Variants in COBL observed in about 807,000 individuals in gnomAD.
COBL encodes the protein protein cordon-bleu.
In COBL, 51 loss-of-function variants were observed where a neutral mutation model predicts 98.8. The observed-to-expected ratio is 0.52, with a 90% CI of 0.41 to 0.65. The LOEUF (loss-of-function observed/expected upper bound fraction) is 0.65. Among genes scored for constraint, COBL ranks in the 30% least tolerant of loss-of-function variants. The pLI is 0.00. For synonymous variants in COBL, 634 were observed against 651.7 expected (o/e 0.97, Z 0.41); for missense variants, 1,617 against 1,617.5 (o/e 1.00, Z 0.01).
intron 6 of COBL, among the ~76,000 whole-genome samples, chr7:51,110,526 G>A (rs1189645487): frequency 6.6e-6 from 1 of 152,168 alleles, no homozygotes; most frequent in Non-Finnish European, 1.5e-5. Context: ...CGGACACTTA[G>A]GTTGATTCCA....
At chr7:51,261,977 C>T (rs990456870) in intron 1 of COBL, among the ~76,000 whole-genome samples, 1 of 152,270 alleles carries the variant, frequency 6.6e-6, no homozygotes, top group Admixed American at 6.5e-5. Flanking sequence ...GCCTGAGGAA[C>T]GCTAAGCTCC....
At chr7:51,059,861 A>G (rs1163113705) in intron 7 of COBL, among the ~76,000 whole-genome samples, 1 of 152,120 alleles carries the variant, frequency 6.6e-6, no homozygotes, top group African/African-American at 2.4e-5. Context: ...ACTTCTTAGC[A>G]TTACCCAACG....
chr7:51,282,993 T>G (rs1490234829), intron 1 of COBL, among the ~76,000 whole-genome samples: 1 of 152,166 alleles, frequency 6.6e-6, no homozygotes, highest in Non-Finnish European at 1.5e-5. Flanking sequence ...CATACAGCTT[T>G]TAAAAATCAT....
At chr7:51,179,252 T>C (rs765879505) in intron 5 of COBL, among the ~76,000 whole-genome samples, 2 of 152,218 alleles carry the variant, frequency 1.3e-5, no homozygotes, top group Non-Finnish European at 2.9e-5. Flanking sequence ...GTTGGTTTTT[T>C]TGGGGACAGA....
At chr7:51,243,074 C>T (rs2129125780) in intron 1 of COBL, among the ~76,000 whole-genome samples, 1 of 152,334 alleles carries the variant, frequency 6.6e-6, no homozygotes, top group Non-Finnish European at 1.5e-5. Context: ...GCCTTGGTGG[C>T]ACTGCTTGGA....
At chr7:51,150,645 C>G (rs183031517) in intron 5 of COBL, among the ~76,000 whole-genome samples, 49 of 152,284 alleles carry the variant, frequency 3.2e-4, no homozygotes, top group Non-Finnish European at 6.3e-4. Flanking sequence ...TTCTTTCAGC[C>G]TACAGCAATG....
chr7:51,060,316 A>G (rs1161467823), intron 7 of COBL, among the ~76,000 whole-genome samples: 1 of 152,254 alleles, frequency 6.6e-6, no homozygotes, highest in Non-Finnish European at 1.5e-5. Flanking sequence ...AACTACTATC[A>G]GTAGCTTGAC....
At chr7:51,206,384 C>T (rs554216972) in intron 2 of COBL, among the ~76,000 whole-genome samples, 1 of 151,466 alleles carries the variant, frequency 6.6e-6, no homozygotes, top group African/African-American at 2.4e-5. Context: ...CCCAGCTACT[C>T]GGAAGGCTGA....
chr7:51,274,948 T>A (rs1347973430), intron 1 of COBL, among the ~76,000 whole-genome samples: 1 of 152,222 alleles, frequency 6.6e-6, no homozygotes. Flanking sequence ...TGTACGCACA[T>A]GGCTTTGTCT....
intron 6 of COBL, among the ~76,000 whole-genome samples, chr7:51,087,125 C>CAA (rs1013326726): frequency 4.0e-5 from 6 of 150,590 alleles, no homozygotes; most frequent in Non-Finnish European, 7.4e-5. Flanking sequence ...CACAAACACA[C>CAA]ACACACACAC....
chr7:51,226,770 G>T (rs1037231146), intron 1 of COBL, among the ~76,000 whole-genome samples: 14 of 152,164 alleles, frequency 9.2e-5, no homozygotes, highest in African/African-American at 3.4e-4. Flanking sequence ...ACATCCCTGA[G>T]TCCAACACTA....
At chr7:51,302,848 G>A (rs951799327) in intron 1 of COBL, among the ~76,000 whole-genome samples, 12 of 152,044 alleles carry the variant, frequency 7.9e-5, no homozygotes, top group Non-Finnish European at 1.3e-4. Context: ...TAAAGATGAC[G>A]CTATACAGGG....
intron 1 of COBL, among the ~76,000 whole-genome samples, chr7:51,282,973 G>C (rs1433897033): frequency 6.6e-6 from 1 of 152,132 alleles, no homozygotes; most frequent in African/African-American, 2.4e-5. Flanking sequence ...AGAACTCTGA[G>C]GGACTTGAGC....
chr7:51,157,372 C>CA (rs955126900), intron 5 of COBL, among the ~76,000 whole-genome samples: 6 of 151,864 alleles, frequency 4.0e-5, no homozygotes, highest in African/African-American at 7.3e-5. Flanking sequence ...GACTCCGCCT[C>CA]AAAAAAAATA....
rs1303413451 is a variant in COBL, at chr7:51,136,196, C to G, written c.919G>C (p.Gly307Arg). 1.9e-6 allele frequency: 3 copies of G among 1,612,932 alleles called. No individual in the cohort carries two copies. Among genetic ancestry groups the G allele is most frequent in the Non-Finnish European group, 1.7e-6 (2 of 1,180,006 alleles). ...TTGTCTTGCACAGGTGGCCCTGAAC[C>G]TGGAGGAGGAGGGGCTCGGCGCTTC... ...MKKRRAPPPPGSGPPVQDKAS... is the reference protein window; with the variant it reads ...MKKRRAPPPPRSGPPVQDKAS... Residue 307 changes from glycine to arginine, a missense_variant, in exon 6 of 13, where the codon GGT (glycine) becomes CGT (arginine). Gly to Arg is a moderately radical substitution (Grantham distance 125, BLOSUM62 -2). Transcript: ENST00000265136.
At chr7:51,250,467 G>A (rs1294755560) in intron 1 of COBL, among the ~76,000 whole-genome samples, 1 of 152,086 alleles carries the variant, frequency 6.6e-6, no homozygotes, top group Non-Finnish European at 1.5e-5. Context: ...TTTTATAAAG[G>A]CTATCTTTAT....
Position 51,043,626 on chromosome 7 carries a change from G to A in COBL, c.1163C>T (p.Ala388Val), listed in dbSNP as rs776347202. 7 of 1,614,006 alleles carry A rather than the reference G, an allele frequency of 4.3e-6. No individual in the cohort carries two copies. The highest frequency in any genetic ancestry group is 2.2e-5 in the South Asian group (2 of 91,072). Residue 388 changes from alanine to valine, a missense_variant, in exon 8 of 13, where the codon GCG becomes GTG. By Grantham distance (64) the Ala-to-Val change is moderately conservative. Transcript: ENST00000265136. ...GCTGCCAACTGACACGGTCTCCTCC[G>A]CCTCTGACAGCACCTGCGGGGCTCC... The part of the protein sequence containing the change: ...PDGAPQVLSE[A>V]EETVSVGSCF...
chr7:51,241,227 C>G (rs934330914), intron 1 of COBL, among the ~76,000 whole-genome samples: 9 of 152,224 alleles, frequency 5.9e-5, no homozygotes, highest in African/African-American at 2.2e-4. Flanking sequence ...GAAGTCTCAA[C>G]GTGTCCCTCC....
chr7:51,129,097 C>T (rs527620132), intron 6 of COBL, among the ~76,000 whole-genome samples: 134 of 152,322 alleles, frequency 8.8e-4, no homozygotes, highest in Non-Finnish European at 1.5e-3. Flanking sequence ...TCGCTATTTG[C>T]GCACATTTTG....
Sources: allele counts gnomAD v4.1 joint callset (sites outside exome capture counted in the v4.1 genomes callset), GRCh38; gene constraint gnomAD v4.1.1; transcripts MANE v1.5; gene names NCBI Gene and HGNC (gene_info 2026-07-23, HGNC 2026-07-21).